The following LCK variants were observed in gnomAD, a reference collection of about 807,000 sequenced individuals.
LCK encodes LCK proto-oncogene, Src family tyrosine kinase, also known as tyrosine-protein kinase Lck.
In LCK, 14 loss-of-function variants were observed where a neutral mutation model predicts 64.6. The ratio of observed to expected loss-of-function variants is 0.22; its 90% CI spans 0.14 to 0.34. The LOEUF is 0.34. LCK is among the 10% of genes least tolerant of loss of function. The pLI, the probability that LCK is intolerant of heterozygous loss-of-function variation, is 1.00. For missense variants in LCK, 434 were observed against 668.1 expected (o/e 0.65, Z 3.86); for synonymous variants, 277 against 263.6 (o/e 1.05, Z -0.49).
In LCK at chr1:32,279,702, A is replaced by G; in HGVS notation, c.996A>G (p.Ser332=). 6.2e-7 allele frequency: 1 copy of G among 1,613,930 alleles called. No homozygotes were observed. Among genetic ancestry groups the G allele is most frequent in the Non-Finnish European group, 8.5e-7 (1 of 1,179,864 alleles). ...TAGTGGATTTTCTCAAGACCCCTTC[A>G]GGCATCAAGTTGACCATCAACAAAC... ...GSLVDFLKTP[S]GIKLTINKLL... is the part of the protein sequence containing the mutation. The change falls in exon 10 of 13, where the codon TCA becomes TCG. Residue 332 remains serine, a synonymous_variant. Coordinates refer to ENST00000336890, the MANE Select transcript of LCK (RefSeq NM_005356.5).
chr1:32,263,980 T>G (rs1639850286), intron 1 of LCK, among the ~76,000 whole-genome samples: 1 of 152,002 alleles, frequency 6.6e-6, no homozygotes, highest in Non-Finnish European at 1.5e-5. Flanking sequence ...AACAGATGTA[T>G]GCCTATATGA....
intron 1 of LCK, among the ~76,000 whole-genome samples, chr1:32,271,105 A>G (rs1483114722): frequency 2.0e-5 from 3 of 148,898 alleles, no homozygotes; most frequent in Non-Finnish European, 4.4e-5. Flanking sequence ...GGCTCAAGTG[A>G]TCTTTTTGCC....
intron 12 of LCK, 111 bp downstream of exon 12, chr1:32,280,321 A>G (rs1640413592): frequency 2.1e-6 from 3 of 1,409,252 alleles, no homozygotes; most frequent in South Asian, 1.4e-5. Flanking sequence ...CATCTCCTCT[A>G]TCTTCTCAGG....
In LCK at chr1:32,275,951, C is replaced by T; in HGVS notation, c.519C>T (p.Asn173=). The T allele has an allele frequency of 6.2e-7, 1 of 1,614,168 alleles. No individual in the cohort carries two copies. The highest frequency in any genetic ancestry group is 8.5e-7 in the Non-Finnish European group (1 of 1,180,016). Residue 173 remains asparagine, a synonymous_variant, in exon 7 of 13, where the codon AAC becomes AAT. Transcript: ENST00000336890. This position sits in a 1 kb window ranked among gnomAD's most constrained non-coding sequence, Gnocchi z 6.9. ...TGTCGGTCCGGGACTTCGACCAGAA[C>T]CAGGGAGAGGTGGTGAAACATTACA... ...FSLSVRDFDQ[N]QGEVVKHYKI... is the part of the protein sequence containing the mutation.
At chr1:32,274,684 G>A in intron 2 of LCK, 53 bp from the exon 3 acceptor site, 1 of 1,413,860 alleles carries the variant, frequency 7.1e-7, no homozygotes, top group South Asian at 1.3e-5. Context: ...AGGGGGCCAG[G>A]GTCTGACCCA....
chr1:32,258,180 G>A (rs892001858), intron 1 of LCK, among the ~76,000 whole-genome samples: 1 of 152,040 alleles, frequency 6.6e-6, no homozygotes, highest in East Asian at 1.9e-4. Flanking sequence ...CTACTCAGGA[G>A]GCTGAGGTGG....
intron 1 of LCK, among the ~76,000 whole-genome samples, chr1:32,255,160 A>C (rs1569895183): frequency 6.6e-6 from 1 of 152,232 alleles, no homozygotes; most frequent in Non-Finnish European, 1.5e-5. Context: ...ATGGAGGTTA[A>C]GTCTAGTCTC....
chr1:32,285,983 C>T lies in LCK; in HGVS notation c.*267C>T. 4.1e-6 allele frequency: 2 copies of T among 485,162 alleles called. No individual in the cohort carries two copies. Among genetic ancestry groups the T allele is most frequent in the Non-Finnish European group, 3.7e-6 (1 of 267,944 alleles). The allele number at this position is 485,162 out of a possible 1,614,324, so 30.1% of individuals were successfully genotyped here. On this transcript the variant is annotated 3_prime_UTR_variant, in exon 13 of 13. Coordinates refer to ENST00000336890, the MANE Select transcript of LCK (RefSeq NM_005356.5). Reference sequence around the variant, plus strand: ...TTTCTGGCTCTCCCATTTCCTGAGACCACAGAGAGAGGGGAGAAGCCTGGG... The same window carrying T: ...TTTCTGGCTCTCCCATTTCCTGAGATCACAGAGAGAGGGGAGAAGCCTGGG...
At chr1:32,277,345 A>G (rs938986823) in intron 9 of LCK, among the ~76,000 whole-genome samples, 1 of 151,778 alleles carries the variant, frequency 6.6e-6, no homozygotes, top group Non-Finnish European at 1.5e-5. Flanking sequence ...ACCTTCCCTG[A>G]CCTGCCATTC....
In LCK at chr1:32,275,898, C is replaced by G; in HGVS notation, c.482-16C>G. 5.0e-6 allele frequency: 8 copies of G among 1,613,778 alleles called. No individual in the cohort carries two copies. The highest frequency in any genetic ancestry group is 6.8e-6 in the Non-Finnish European group (8 of 1,179,754). On this transcript the variant is annotated splice_polypyrimidine_tract_variant and intron_variant, in intron 6 of 12. Transcript: ENST00000336890. The surrounding 1 kb of genome is among the most constrained non-coding windows in gnomAD (Gnocchi z 6.9). ...TGCGTTCTTTCGTCGCTTTGTCCAT[C>G]CATTCATTCATTCAGGATCGTTTTC...
intron 1 of LCK, among the ~76,000 whole-genome samples, chr1:32,273,028 G>A (rs1422784653): frequency 6.7e-6 from 1 of 150,150 alleles, no homozygotes; most frequent in Admixed American, 6.7e-5. Flanking sequence ...CTGTGTGGGT[G>A]TGTGGACGAG....
intron 1 of LCK, among the ~76,000 whole-genome samples, chr1:32,256,022 C>T (rs868096233): frequency 2.6e-5 from 4 of 152,076 alleles, no homozygotes; most frequent in Non-Finnish European, 5.9e-5. Flanking sequence ...AATCCCAATA[C>T]TTTGGGAGGC....
chr1:32,268,236 G>T (rs992721010), intron 1 of LCK, among the ~76,000 whole-genome samples: 1 of 152,024 alleles, frequency 6.6e-6, no homozygotes, highest in Non-Finnish European at 1.5e-5. Context: ...AAATGCAAAT[G>T]CAGAAAGAGA....
chr1:32,252,694 C>T (rs1336883682), intron 1 of LCK, among the ~76,000 whole-genome samples: 5 of 152,182 alleles, frequency 3.3e-5, no homozygotes, highest in Non-Finnish European at 7.3e-5. Flanking sequence ...AACAGAGGCT[C>T]TTCTCAAAGA....
Position 32,274,395 on chromosome 1 carries a change from C to T in LCK, c.66C>T (p.Asn22=). 1 of 1,614,014 alleles carries T rather than the reference C, an allele frequency of 6.2e-7. No homozygotes were observed. Among genetic ancestry groups the T allele is most frequent in the Non-Finnish European group, 8.5e-7 (1 of 1,179,968 alleles). The change falls in exon 2 of 13, where the codon AAC becomes AAT. Residue 22 remains asparagine (N), a synonymous_variant. Coordinates refer to ENST00000336890, the MANE Select transcript of LCK (RefSeq NM_005356.5). ...TGGAAAACATCGATGTGTGTGAGAA[C>T]TGCCATTATCCCATAGTCCCACTGG... ...DWMENIDVCE[N]CHYPIVPLDG...
At chr1:32,268,735 C>G (rs371732322) in intron 1 of LCK, among the ~76,000 whole-genome samples, 1 of 149,716 alleles carries the variant, frequency 6.7e-6, no homozygotes, top group Non-Finnish European at 1.5e-5. Context: ...ATCGCTTGAA[C>G]CTGGGAGGCA....
chr1:32,253,194 T>C (rs1639548877), intron 1 of LCK, among the ~76,000 whole-genome samples: 1 of 152,136 alleles, frequency 6.6e-6, no homozygotes, highest in Admixed American at 6.6e-5. Flanking sequence ...GGTGAAACCC[T>C]GTCTTCGTTA....
At chr1:32,274,874 C>G (rs768347115) in intron 3 of LCK, 56 bp downstream of exon 3, 2 of 1,613,702 alleles carry the variant, frequency 1.2e-6, no homozygotes, top group African/African-American at 2.7e-5. Flanking sequence ...TGGCTGTTGG[C>G]TTCCACCTCT....
intron 1 of LCK, among the ~76,000 whole-genome samples, chr1:32,267,141 G>C (rs1557577470): frequency 6.6e-6 from 1 of 151,686 alleles, no homozygotes; most frequent in Non-Finnish European, 1.5e-5. Flanking sequence ...TTTACTGGGG[G>C]CTCTTGTTGC....
Sources: gnomAD v4.1 joint callset for allele counts (sites outside exome capture counted in the v4.1 genomes callset) on GRCh38, gnomAD v4.1.1 for gene constraint, Gnocchi (gnomAD v3.1) non-coding constraint, MANE v1.5 for transcripts, NCBI Gene and HGNC (gene_info 2026-07-23, HGNC 2026-07-21) for gene names.